The following DNAH14 variants were observed in gnomAD, a reference collection of about 807,000 sequenced individuals.
DNAH14 encodes the protein axonemal beta dynein heavy chain 14.
A neutral mutation model predicts 520.9 loss-of-function variants in DNAH14; 478 were observed. That is an observed-to-expected ratio of 0.92 (90% CI 0.85 to 0.99). The LOEUF (loss-of-function observed/expected upper bound fraction) is 0.99, where lower values mean the gene tolerates loss of function less well. Among genes scored for constraint, DNAH14 ranks in the 50% least tolerant of loss-of-function variants. The pLI is 0.00. For missense variants in DNAH14, 4,831 were observed against 5,234.5 expected (o/e 0.92, Z 2.38); for synonymous variants, 1,581 against 1,757.2 (o/e 0.90, Z 2.51).
At chr1:225,102,121 A>G (rs1285859401) in intron 23 of DNAH14, among the ~76,000 whole-genome samples, 3 of 141,702 alleles carry the variant, frequency 2.1e-5, no homozygotes, top group Non-Finnish European at 3.0e-5. Flanking sequence ...ATTCCCACCT[A>G]TGAGTGAGAA....
intron 10 of DNAH14, 100 bp downstream of exon 10, chr1:225,007,644 G>C: frequency 9.4e-7 from 1 of 1,059,054 alleles, no homozygotes; most frequent in Admixed American, 3.0e-5. Flanking sequence ...AAATGGAAAG[G>C]TAAGGAACAA....
chr1:225,251,176 ACTTT>A (rs1156448123), intron 43 of DNAH14, among the ~76,000 whole-genome samples: 5 of 140,742 alleles, frequency 3.6e-5, no homozygotes, highest in Non-Finnish European at 7.8e-5. Context: ...AAAACTATAA[ACTTT>A]TTTTTTTTTT....
rs904542445 is a variant in DNAH14 at position 225,153,899 on chromosome 1, G to A, written c.5273+73G>A. ...GGGAAAATAATTTGTAGAATTACGG[G>A]TGATGATGCCAAGTTAAAACAGGGA... On this transcript the variant is annotated intron_variant, in intron 34 of 85. Transcript: ENST00000682510. 7 of 1,168,590 alleles carry A rather than the reference G, an allele frequency of 6.0e-6. No homozygotes were observed. The African/African-American group carries it at 7.8e-5, about 13-fold the overall frequency. 72.4% of individuals were successfully genotyped at this position (1,168,590 alleles called of 1,614,324 possible).
Position 225,043,796 on chromosome 1 carries a change from A to G in DNAH14, c.1814+7A>G, listed in dbSNP as rs1354674655. ...ATAAATACATGTATTATGAGTAAGT[A>G]TTAGACATTTTAAAAATTACGAGTA... On this transcript the variant is annotated splice_region_variant and intron_variant, in intron 14 of 85. Coordinates refer to ENST00000682510, the MANE Select transcript of DNAH14 (RefSeq NM_001367479.1). 1 of 1,461,134 alleles carries G rather than the reference A, an allele frequency of 6.8e-7. No homozygotes were observed. The highest frequency in any genetic ancestry group is 2.0e-5 in the Admixed American group (1 of 49,374). The allele number at this position is 1,461,134 out of a possible 1,614,324, so 90.5% of individuals were successfully genotyped here. A position where few individuals can be genotyped will look rare whatever the true frequency, so the allele number is the denominator to read the frequency against.
chr1:224,936,571 T>C (rs1405762062), intron 1 of DNAH14, among the ~76,000 whole-genome samples: 1 of 151,870 alleles, frequency 6.6e-6, no homozygotes, highest in East Asian at 1.9e-4. Context: ...TTCAAAGCTG[T>C]AATAAAAAGT....
intron 17 of DNAH14, among the ~76,000 whole-genome samples, chr1:225,065,475 T>G (rs572679124): frequency 1.1e-3 from 165 of 151,522 alleles, no homozygotes; most frequent in African/African-American, 3.7e-3. Context: ...CAAATCTTAC[T>G]CCTCCCATCT....
chr1:225,068,649 T>C (rs2071196174), intron 17 of DNAH14, among the ~76,000 whole-genome samples: 1 of 152,174 alleles, frequency 6.6e-6, no homozygotes, highest in Non-Finnish European at 1.5e-5. Flanking sequence ...GTTCTCCTTG[T>C]AGAGATCTTT....
At chr1:224,970,434 A>G (rs1558553169) in intron 7 of DNAH14, among the ~76,000 whole-genome samples, 1 of 151,892 alleles carries the variant, frequency 6.6e-6, no homozygotes, top group Admixed American at 6.6e-5. Context: ...GCCTTGTGAT[A>G]TCTTATTACC....
intron 49 of DNAH14, among the ~76,000 whole-genome samples, chr1:225,269,802 T>C (rs2093256182): frequency 6.6e-6 from 1 of 152,108 alleles, no homozygotes; most frequent in African/African-American, 2.4e-5. Flanking sequence ...AGAATGGCGA[T>C]CATTAAAAAG....
chr1:225,275,340 G>T (rs1181235119), intron 52 of DNAH14, among the ~76,000 whole-genome samples: 1 of 152,206 alleles, frequency 6.6e-6, no homozygotes, highest in Non-Finnish European at 1.5e-5. Flanking sequence ...TATAACGTCA[G>T]TGCTGTGACA....
At chr1:225,265,486 T>G (rs2093078988) in intron 48 of DNAH14, 117 bp downstream of exon 48, 1 of 843,926 alleles carries the variant, frequency 1.2e-6, no homozygotes, top group African/African-American at 1.8e-5. Context: ...TTGAACATCA[T>G]AGAAGATGCA....
chr1:225,046,861 GT>G (rs1200709937), intron 15 of DNAH14, among the ~76,000 whole-genome samples: 3 of 152,096 alleles, frequency 2.0e-5, no homozygotes, highest in Non-Finnish European at 4.4e-5. Context: ...TTTTGGAAGA[GT>G]AATTCTCCCC....
intron 41 of DNAH14, among the ~76,000 whole-genome samples, chr1:225,210,186 C>T (rs61851518): frequency 0.11 from 17,165 of 151,930 alleles, 1,161 homozygotes; most frequent in East Asian, 0.31. Context: ...GGAAAGGAGG[C>T]TGAAACCAGA....
chr1:225,311,827 A>T (rs1027963758), intron 60 of DNAH14, among the ~76,000 whole-genome samples: 3 of 152,240 alleles, frequency 2.0e-5, no homozygotes, highest in Admixed American at 1.3e-4. Flanking sequence ...TACCAGTAGC[A>T]TGCTGTTTTG....
At position 225,147,201 on chromosome 1, in the gene DNAH14, C is replaced by A. The variant is rs370823006; in HGVS notation, c.4892C>A (p.Ala1631Asp). The A allele has an allele frequency of 1.3e-6, 2 of 1,550,532 alleles. No homozygotes were observed. Among genetic ancestry groups the A allele is most frequent in the Non-Finnish European group, 8.7e-7 (1 of 1,146,574 alleles). ...GATTTGGAAGTTCTCTCTGTCATTG[C>A]CTCACAGATCCTAACAATTAAGGCT... ...LIDLEVLSVIASQILTIKAAK... is the reference protein window; with the variant it reads ...LIDLEVLSVIDSQILTIKAAK... Residue 1631 changes from alanine (A) to aspartate (D), a missense_variant, in exon 31 of 86, where the codon GCC (alanine) becomes GAC (aspartate). Transcript: ENST00000682510.
At chr1:225,207,565 C>A (rs2087750048) in intron 41 of DNAH14, among the ~76,000 whole-genome samples, 1 of 152,056 alleles carries the variant, frequency 6.6e-6, no homozygotes, top group Non-Finnish European at 1.5e-5. Context: ...GTTGTAATCA[C>A]ACAAAGGCGT....
chr1:225,352,976 TA>T (rs1359126827), intron 72 of DNAH14, among the ~76,000 whole-genome samples: 9 of 152,132 alleles, frequency 5.9e-5, no homozygotes, highest in Admixed American at 5.9e-4. Flanking sequence ...TACTTTTATT[TA>T]AAAGAATTCT....
chr1:225,172,718 T>C (rs892729780), intron 36 of DNAH14, among the ~76,000 whole-genome samples: 15 of 152,294 alleles, frequency 9.8e-5, no homozygotes, highest in African/African-American at 2.9e-4. Flanking sequence ...AATGCCATCC[T>C]CTTCAAGCTA....
At chr1:225,388,608 C>T (rs962395873) in intron 82 of DNAH14, 117 bp downstream of exon 82, 31 of 589,162 alleles carry the variant, frequency 5.3e-5, no homozygotes, top group Middle Eastern at 2.7e-4. Flanking sequence ...GTGAATTAAG[C>T]AAGGGAGGGA....
Sources: allele counts gnomAD v4.1 joint callset (sites outside exome capture counted in the v4.1 genomes callset), GRCh38; gene constraint gnomAD v4.1.1; transcripts MANE v1.5; gene names NCBI Gene and HGNC (gene_info 2026-07-23, HGNC 2026-07-21).